The following SPTB variants were observed in gnomAD, a reference collection of about 807,000 sequenced individuals.
SPTB encodes the protein spectrin beta, erythrocytic, also known as spectrin beta chain, erythrocytic.
In SPTB, 45 loss-of-function variants were observed where a neutral mutation model predicts 256.2. That is an observed-to-expected ratio of 0.18 (90% CI 0.14 to 0.23). SPTB has a LOEUF of 0.23. Among genes scored for constraint, SPTB ranks in the 10% least tolerant of loss-of-function variants. The pLI, the probability that SPTB is intolerant of heterozygous loss-of-function variation, is 1.00. For missense variants in SPTB, 2,715 were observed against 3,040.4 expected, an observed-to-expected ratio of 0.89 and a Z score of 2.52; for synonymous variants, 1,231 against 1,243.1, an observed-to-expected ratio of 0.99 and a Z score of 0.21.
chr14:64,810,202 C>G (rs1467426407), intron 2 of SPTB, among the ~76,000 whole-genome samples: 1 of 152,144 alleles, frequency 6.6e-6, no homozygotes, highest in Non-Finnish European at 1.5e-5. Context: ...CCAGTACATA[C>G]AGGCATTTAA....
intron 22 of SPTB, among the ~76,000 whole-genome samples, chr14:64,776,033 C>T (rs528251139): frequency 1.1e-4 from 17 of 152,280 alleles, no homozygotes; most frequent in African/African-American, 3.9e-4. Flanking sequence ...TTCCTCCCAC[C>T]CTGGTGGCTG....
rs560120544 is a variant in SPTB at position 64,824,324 on chromosome 14, C to T, written c.-51-1179G>A. The stretch of plus-strand genomic sequence containing the variant: ...AGGGAATAAAGAGTAGGTGTAAAGT[C>T]CTGAAGGTAAGAAAGAACACAGAAA... On this transcript the variant is annotated intron_variant, in intron 1 of 35. Transcript: ENST00000644917. This position sits in a 1 kb window ranked among gnomAD's most constrained non-coding sequence, Gnocchi z 5.7. Among the ~76,000 whole-genome samples, 32 of 151,884 alleles carry T rather than the reference C, an allele frequency of 2.1e-4. No homozygotes were observed. Among genetic ancestry groups the T allele is most frequent in the Non-Finnish European group, 4.1e-4 (28 of 67,998 alleles).
At position 64,784,130 on chromosome 14, in the gene SPTB, C is replaced by T. The variant is rs144630016; in HGVS notation, c.4002+117G>A. ...AGCTACTATTTAGAAAAGTTGTTCG[C>T]TGCCACGTTCTGTACTGTCAGCAAG... On this transcript the variant is annotated intron_variant, in intron 19 of 35. Coordinates refer to ENST00000644917, the MANE Select transcript of SPTB (RefSeq NM_001355436.2). The T allele has an allele frequency of 8.7e-4, 1,299 of 1,495,598 alleles. 13 individuals carry two copies. In the African/African-American group the frequency reaches 0.016, roughly 19 times the overall value. The allele number at this position is 1,495,598 out of a possible 1,614,324, so 92.6% of individuals were successfully genotyped here. A position where few individuals can be genotyped will look rare whatever the true frequency, so the allele number is the denominator to read the frequency against.
intron 25 of SPTB, 125 bp downstream of exon 25, chr14:64,773,095 C>T (rs1227253972): frequency 2.5e-5 from 38 of 1,541,776 alleles, no homozygotes; most frequent in South Asian, 1.4e-4. Context: ...AGGCCTGCAT[C>T]GGCTGGTCCC....
At position 64,749,109 on chromosome 14, in the gene SPTB, G is replaced by T; in HGVS notation, c.*197C>A. 1 of 562,224 alleles carries T rather than the reference G, an allele frequency of 1.8e-6. No homozygotes were observed. The highest frequency in any genetic ancestry group is 3.0e-6 in the Non-Finnish European group (1 of 334,946). The allele number at this position is 562,224 out of a possible 1,614,324, so 34.8% of individuals were successfully genotyped here. ...CTGTCCCTGGAGCGGAGCCAGCGCG[G>T]GCGAGGGCATGGAGGGGGCGTCGGC... On this transcript the variant is annotated 3_prime_UTR_variant, in exon 36 of 36. Coordinates refer to ENST00000644917, the MANE Select transcript of SPTB (RefSeq NM_001355436.2). The surrounding 1 kb of genome is among the most constrained non-coding windows in gnomAD (Gnocchi z 4.7).
intron 1 of SPTB, among the ~76,000 whole-genome samples, chr14:64,858,846 A>G (rs564602580): frequency 6.6e-6 from 1 of 152,326 alleles, no homozygotes; most frequent in South Asian, 2.1e-4. Context: ...TCATTTTACC[A>G]GCTGCCTTAG....
chr14:64,750,158 C>T lies in SPTB; in HGVS notation c.6603-4G>A. On this transcript the variant is annotated splice_polypyrimidine_tract_variant and splice_region_variant and intron_variant, in intron 33 of 35. Coordinates refer to ENST00000644917, the MANE Select transcript of SPTB (RefSeq NM_001355436.2). ...ACAGTACAGGTTGTTCCAGGACCTG[C>T]AAAGATGCAGACAGGCAGGTCACCC... The T allele has an allele frequency of 1.2e-6, 2 of 1,609,836 alleles. No homozygotes were observed. Among genetic ancestry groups the T allele is most frequent in the Non-Finnish European group, 1.7e-6 (2 of 1,176,514 alleles).
intron 30 of SPTB, 105 bp from the exon 31 acceptor site, chr14:64,767,457 C>A: frequency 6.7e-7 from 1 of 1,503,030 alleles, no homozygotes. Context: ...TGCCCTGACA[C>A]TTGTTCCTTC....
In SPTB at chr14:64,764,564, C is replaced by A. The variant is rs1217873409; in HGVS notation, c.6345+2162G>T. On this transcript the variant is annotated intron_variant, in intron 32 of 35. Transcript: ENST00000644917. The surrounding 1 kb of genome is among the most constrained non-coding windows in gnomAD (Gnocchi z 4.2). ...TCATCAGGTCCAAACAGGTTTTATT[C>A]CCCCCAACCCAGTGACATTCAGGTG... Among the ~76,000 whole-genome samples, 1 of 152,222 alleles carries A rather than the reference C, an allele frequency of 6.6e-6. No homozygotes were observed. The highest frequency in any genetic ancestry group is 2.4e-5 in the African/African-American group (1 of 41,462).
In SPTB at chr14:64,826,883, T is replaced by C. The variant is rs755652538; in HGVS notation, c.-51-3738A>G. 5.3e-5 allele frequency among the ~76,000 whole-genome samples: 8 copies of C among 152,136 alleles called. No homozygotes were observed. Among genetic ancestry groups the C allele is most frequent in the Admixed American group, 3.9e-4 (6 of 15,272 alleles). ...TGAGTAGGATGGGACCTGAGAAGGC[T>C]TGCCCACAGCTCAGCACTGAAAACC... On this transcript the variant is annotated intron_variant, in intron 1 of 35. Coordinates refer to ENST00000644917, the MANE Select transcript of SPTB (RefSeq NM_001355436.2). This position sits in a 1 kb window ranked among gnomAD's most constrained non-coding sequence, Gnocchi z 4.4.
In SPTB at chr14:64,749,492, C is replaced by T. The variant is rs770234654; in HGVS notation, c.6820-19G>A. On this transcript the variant is annotated intron_variant, in intron 35 of 35. Coordinates refer to ENST00000644917, the MANE Select transcript of SPTB (RefSeq NM_001355436.2). The surrounding 1 kb of genome is among the most constrained non-coding windows in gnomAD (Gnocchi z 4.7). Reference sequence around the variant, plus strand: ...TCTCCTCCTGCGGGGCGGAGGGTCACGGTGGAGTCTGGAGGCCCACAGCCC... The same window carrying T: ...TCTCCTCCTGCGGGGCGGAGGGTCATGGTGGAGTCTGGAGGCCCACAGCCC... The T allele has an allele frequency of 3.1e-5, 50 of 1,598,332 alleles. No homozygotes were observed. The Admixed American group carries it at 3.7e-4, about 12-fold the overall frequency.
At chr14:64,832,272 G>T (rs570920124) in intron 1 of SPTB, among the ~76,000 whole-genome samples, 77 of 152,298 alleles carry the variant, frequency 5.1e-4, no homozygotes, top group African/African-American at 1.7e-3. Context: ...CTTAAAGCAG[G>T]AGATGCTTTT....
rs77968446 is a variant in SPTB, at chr14:64,841,906, C to T, written c.-51-18761G>A. Among the ~76,000 whole-genome samples the T allele has an allele frequency of 0.013, 1,942 of 152,290 alleles. 46 individuals are homozygous for T. Among genetic ancestry groups the T allele is most frequent in the African/African-American group, 0.044 (1,835 of 41,548 alleles). Reference sequence around the variant, plus strand: ...CGCTCTCCTCATATCTGTTAAAGAGCGCGGCAAATGTTATCTGGAAGCAGC... The same window carrying T: ...CGCTCTCCTCATATCTGTTAAAGAGTGCGGCAAATGTTATCTGGAAGCAGC... On this transcript the variant is annotated intron_variant, in intron 1 of 35. Transcript: ENST00000644917. This position sits in a 1 kb window ranked among gnomAD's most constrained non-coding sequence, Gnocchi z 4.6.
chr14:64,868,055 C>T (rs66883381), intron 1 of SPTB, among the ~76,000 whole-genome samples: 19,044 of 151,886 alleles, frequency 0.13, 1,960 homozygotes, highest in African/African-American at 0.27. Context: ...ATTGTGGAGG[C>T]CCGTGCCTGC....
intron 2 of SPTB, among the ~76,000 whole-genome samples, chr14:64,815,708 T>C (rs1330836935): frequency 6.6e-6 from 1 of 152,184 alleles, no homozygotes; most frequent in Non-Finnish European, 1.5e-5. Context: ...GCCGATTTGC[T>C]GAAAAGGATC....
intron 1 of SPTB, among the ~76,000 whole-genome samples, chr14:64,848,440 T>G (rs1291323349): frequency 6.6e-6 from 1 of 152,246 alleles, no homozygotes; most frequent in East Asian, 1.9e-4. Flanking sequence ...TCATCGTTTC[T>G]CTCTTGCTGA....
chr14:64,785,718 G>C lies in SPTB; in HGVS notation c.3764+31C>G. The C allele has an allele frequency of 6.2e-7, 1 of 1,613,902 alleles. No homozygotes were observed. Among genetic ancestry groups the C allele is most frequent in the Non-Finnish European group, 8.5e-7 (1 of 1,179,840 alleles). On this transcript the variant is annotated intron_variant, in intron 17 of 35. Transcript: ENST00000644917. The surrounding 1 kb of genome is among the most constrained non-coding windows in gnomAD (Gnocchi z 4.4). ...TCCTCACTACCCCCGTGTGGCTCTG[G>C]GGGCCTCGTGGCCCTGGGGCCCGGG...
chr14:64,835,086 G>T (rs902942865), intron 1 of SPTB, among the ~76,000 whole-genome samples: 1 of 152,142 alleles, frequency 6.6e-6, no homozygotes, highest in Admixed American at 6.5e-5. Context: ...GGGCCCACAA[G>T]GACTCCTGAG....
At position 64,800,747 on chromosome 14, in the gene SPTB, A is replaced by T; in HGVS notation, c.876+9T>A. On this transcript the variant is annotated intron_variant, in intron 8 of 35. Transcript: ENST00000644917. The stretch of plus-strand genomic sequence containing the variant: ...AAGAGTGACACTTTGGTTCCAAAAC[A>T]GCTTGTACCTTGCCGACACGCTTGC... 1.2e-6 allele frequency: 2 copies of T among 1,613,246 alleles called. No homozygotes were observed. The highest frequency in any genetic ancestry group is 1.7e-6 in the Non-Finnish European group (2 of 1,179,170).
Sources: gnomAD v4.1 joint callset for allele counts (sites outside exome capture counted in the v4.1 genomes callset) on GRCh38, gnomAD v4.1.1 for gene constraint, Gnocchi (gnomAD v3.1) non-coding constraint, MANE v1.5 for transcripts, NCBI Gene and HGNC (gene_info 2026-07-23, HGNC 2026-07-21) for gene names.